The following GALNT7 variants were observed in gnomAD, a reference collection of about 807,000 sequenced individuals.
GALNT7 encodes the protein N-acetylgalactosaminyltransferase 7.
A neutral mutation model predicts 82.1 loss-of-function variants in GALNT7; 60 were observed. The ratio of observed to expected loss-of-function variants is 0.73; its 90% CI spans 0.59 to 0.91. The LOEUF (loss-of-function observed/expected upper bound fraction) is 0.91. GALNT7 is among the 40% of genes least tolerant of loss of function. GALNT7 has a pLI of 0.00. For missense variants in GALNT7, 660 were observed against 804.2 expected, an observed-to-expected ratio of 0.82 and a Z score of 2.17; for synonymous variants, 243 against 275.1, an observed-to-expected ratio of 0.88 and a Z score of 1.15.
chr4:173,181,601 A>C (rs1407219133), intron 1 of GALNT7, among the ~76,000 whole-genome samples: 2 of 152,190 alleles, frequency 1.3e-5, no homozygotes, highest in Non-Finnish European at 2.9e-5. Context: ...CACATGTAAC[A>C]CTTCTATTTT....
At chr4:173,254,115 C>T (rs1427908346) in intron 2 of GALNT7, among the ~76,000 whole-genome samples, 1 of 152,160 alleles carries the variant, frequency 6.6e-6, no homozygotes, top group Non-Finnish European at 1.5e-5. Flanking sequence ...GTTGCAATTA[C>T]AAAGTGAGAT....
At chr4:173,185,292 C>T (rs1330840702) in intron 1 of GALNT7, among the ~76,000 whole-genome samples, 1 of 152,020 alleles carries the variant, frequency 6.6e-6, no homozygotes, top group African/African-American at 2.4e-5. Flanking sequence ...TGTGTAGCAG[C>T]ATGGACAGCC....
intron 1 of GALNT7, among the ~76,000 whole-genome samples, chr4:173,212,950 G>GTTTC (rs1369429336): frequency 6.6e-6 from 1 of 151,646 alleles, no homozygotes; most frequent in Non-Finnish European, 1.5e-5. Context: ...CCACAACCTT[G>GTTTC]TTTCTCTCTT....
chr4:173,297,641 GC>G (rs1736766168), intron 5 of GALNT7, among the ~76,000 whole-genome samples: 1 of 152,098 alleles, frequency 6.6e-6, no homozygotes, highest in Admixed American at 6.6e-5. Flanking sequence ...AGGCTTTTCG[GC>G]TTTTATGGGA....
intron 1 of GALNT7, among the ~76,000 whole-genome samples, chr4:173,174,730 T>G (rs1208298299): frequency 6.6e-6 from 1 of 152,094 alleles, no homozygotes; most frequent in Non-Finnish European, 1.5e-5. Flanking sequence ...CTTAATCCAG[T>G]AGCAATGTAA....
chr4:173,276,061 G>A (rs1477901973), intron 2 of GALNT7, among the ~76,000 whole-genome samples: 1 of 152,108 alleles, frequency 6.6e-6, no homozygotes, highest in Non-Finnish European at 1.5e-5. Flanking sequence ...AATTCCATGA[G>A]CATTGATTTT....
At chr4:173,170,236 C>T (rs558658004) in intron 1 of GALNT7, among the ~76,000 whole-genome samples, 1 of 152,344 alleles carries the variant, frequency 6.6e-6, no homozygotes, top group East Asian at 1.9e-4. Flanking sequence ...GGGCTCACGA[C>T]CGCCGAGGCG....
intron 1 of GALNT7, among the ~76,000 whole-genome samples, chr4:173,230,806 T>C: frequency 6.6e-6 from 1 of 152,164 alleles, no homozygotes; most frequent in Non-Finnish European, 1.5e-5. Flanking sequence ...TTATATATAA[T>C]ATAGTTAGCA....
chr4:173,169,428 G>C (rs1237862774), intron 1 of GALNT7: 3 of 151,354 alleles, frequency 2.0e-5, no homozygotes, highest in Non-Finnish European at 4.4e-5. Flanking sequence ...TGCCGCCACC[G>C]CTGGTCCGGT....
chr4:173,190,098 T>C (rs911786284), intron 1 of GALNT7, among the ~76,000 whole-genome samples: 1 of 152,196 alleles, frequency 6.6e-6, no homozygotes, highest in Admixed American at 6.5e-5. Context: ...TCTCTCTTGT[T>C]ACTCTGTCAT....
intron 1 of GALNT7, among the ~76,000 whole-genome samples, chr4:173,176,733 A>G (rs941948485): frequency 3.9e-5 from 6 of 152,210 alleles, no homozygotes; most frequent in Non-Finnish European, 8.8e-5. Flanking sequence ...GTGCAACAGC[A>G]TAAATAACTG....
Position 173,302,016 on chromosome 4 carries a change from T to C in GALNT7, c.1149-31T>C, listed in dbSNP as rs772756620. ...TGAAGGGTTATTGGGGGTTTGTCTG[T>C]AATGGTTATTGCAGTGTTTCTTTTT... On this transcript the variant is annotated intron_variant, in intron 6 of 11. Transcript: ENST00000265000. This position sits in a 1 kb window ranked among gnomAD's most constrained non-coding sequence, Gnocchi z 4.2. 1 of 992,654 alleles carries C rather than the reference T, an allele frequency of 1.0e-6. No homozygotes were observed. The highest frequency in any genetic ancestry group is 1.6e-6 in the Non-Finnish European group (1 of 615,470). 61.5% of individuals were successfully genotyped at this position (992,654 alleles called of 1,614,324 possible).
chr4:173,205,110 G>A (rs149803769), intron 1 of GALNT7, among the ~76,000 whole-genome samples: 229 of 152,132 alleles, frequency 1.5e-3, no homozygotes, highest in African/African-American at 5.3e-3. Flanking sequence ...TGGGTCTGTC[G>A]GGTTGGACCT....
chr4:173,301,941 C>A (rs1364686532), intron 6 of GALNT7, 106 bp from the exon 7 acceptor site: 1 of 623,046 alleles, frequency 1.6e-6, no homozygotes, highest in South Asian at 2.2e-5. Context: ...TCAGTTTTGT[C>A]TCTTCTATGC....
intron 2 of GALNT7, among the ~76,000 whole-genome samples, chr4:173,284,583 C>A (rs6553691): frequency 6.6e-6 from 1 of 152,030 alleles, no homozygotes; most frequent in South Asian, 2.1e-4. Context: ...AAGCAAGGGG[C>A]CAGGAAAGAC....
At chr4:173,170,585 G>A (rs998370568) in intron 1 of GALNT7, among the ~76,000 whole-genome samples, 2 of 152,104 alleles carry the variant, frequency 1.3e-5, no homozygotes, top group African/African-American at 4.8e-5. Context: ...TTCCTTTTCA[G>A]TACATTTGCG....
intron 6 of GALNT7, among the ~76,000 whole-genome samples, chr4:173,300,640 G>C (rs1736888061): frequency 1.3e-5 from 2 of 152,046 alleles, no homozygotes; most frequent in South Asian, 4.2e-4. Context: ...AGAGTCCATG[G>C]TGAGCCCAGA....
chr4:173,178,747 G>T (rs955522592), intron 1 of GALNT7, among the ~76,000 whole-genome samples: 4 of 152,272 alleles, frequency 2.6e-5, no homozygotes, highest in African/African-American at 9.6e-5. Flanking sequence ...AGAGCAGCCT[G>T]GTTTCCCAAA....
At chr4:173,265,869 A>G (rs1331633918) in intron 2 of GALNT7, among the ~76,000 whole-genome samples, 1 of 152,090 alleles carries the variant, frequency 6.6e-6, no homozygotes, top group African/African-American at 2.4e-5. Context: ...AGCCCAGTGC[A>G]TAAGATTGCA....
Sources: gnomAD v4.1 joint callset for allele counts (sites outside exome capture counted in the v4.1 genomes callset) on GRCh38, gnomAD v4.1.1 for gene constraint, Gnocchi (gnomAD v3.1) non-coding constraint, MANE v1.5 for transcripts, NCBI Gene and HGNC (gene_info 2026-07-23, HGNC 2026-07-21) for gene names.